Variants in SVIL observed in about 807,000 individuals in gnomAD.
The protein encoded by SVIL is archvillin.
Under a neutral mutation model 240.4 loss-of-function variants are expected in SVIL, and 101 were observed. The observed-to-expected ratio is 0.42, with a 90% CI of 0.36 to 0.50. The LOEUF is 0.50. SVIL is among the 20% of genes least tolerant of loss of function. SVIL has a pLI of 0.01. For missense variants in SVIL, 2,512 were observed against 2,818.7 expected, an observed-to-expected ratio of 0.89 and a Z score of 2.46; for synonymous variants, 999 against 1,100.0, an observed-to-expected ratio of 0.91 and a Z score of 1.82.
chr10:29,552,531 C>G (rs1440463582), intron 5 of SVIL, among the ~76,000 whole-genome samples: 2 of 150,028 alleles, frequency 1.3e-5, no homozygotes, highest in South Asian at 4.3e-4. Flanking sequence ...CCACTGCCCT[C>G]CAGCCTGGGC....
At chr10:29,681,977 C>G (rs1960691894) in intron 2 of SVIL, among the ~76,000 whole-genome samples, 1 of 152,156 alleles carries the variant, frequency 6.6e-6, no homozygotes, top group African/African-American at 2.4e-5. Flanking sequence ...GAAGGGAAGG[C>G]TCTGTTGTGA....
At chr10:29,582,785 C>T (rs1277105651) in intron 1 of SVIL, among the ~76,000 whole-genome samples, 1 of 150,454 alleles carries the variant, frequency 6.6e-6, no homozygotes, top group African/African-American at 2.5e-5. Context: ...CCTAGGTGTT[C>T]ACTGTATGGG....
In SVIL at chr10:29,735,609, G is replaced by T. The variant is rs1339852167; in HGVS notation, c.-400+142C>A. On this transcript the variant is annotated intron_variant, in intron 1 of 35. Coordinates refer to the SVIL transcript ENST00000375400. The surrounding 1 kb of genome is among the most constrained non-coding windows in gnomAD (Gnocchi z 4.1). Reference sequence around the variant, plus strand: ...CGGGAGGCGCCCCCGTTCCCGCTTCGGTCCCCGGCAGGGCCTCCCGCAGCC... The same window carrying T: ...CGGGAGGCGCCCCCGTTCCCGCTTCTGTCCCCGGCAGGGCCTCCCGCAGCC... 2 of 151,382 alleles carry T rather than the reference G, an allele frequency of 1.3e-5. No individual in the cohort carries two copies. The highest frequency in any genetic ancestry group is 4.8e-5 in the African/African-American group (2 of 41,304). 9.4% of individuals were successfully genotyped at this position (151,382 alleles called of 1,614,324 possible). A position where few individuals can be genotyped will look rare whatever the true frequency, so the allele number is the denominator to read the frequency against.
At chr10:29,526,730 T>C (rs1205891511) in intron 13 of SVIL, among the ~76,000 whole-genome samples, 1 of 152,236 alleles carries the variant, frequency 6.6e-6, no homozygotes, top group Non-Finnish European at 1.5e-5. Flanking sequence ...GTTAGTGTGA[T>C]CCTAGTTCTA....
chr10:29,467,993 G>T, intron 32 of SVIL, 118 bp from the exon 33 acceptor site: 1 of 1,152,868 alleles, frequency 8.7e-7, no homozygotes. Context: ...TAATTCACAT[G>T]TCATAAAATT....
At chr10:29,502,958 G>A (rs961292191) in intron 17 of SVIL, among the ~76,000 whole-genome samples, 3 of 152,300 alleles carry the variant, frequency 2.0e-5, no homozygotes, top group Admixed American at 2.0e-4. Flanking sequence ...AAGGATTAGG[G>A]CGGATTTAAG....
rs549302420 is a variant in SVIL at position 29,457,682 on chromosome 10, C to G, written c.*565G>C. ...AAGCAGTACTCAGAACAAGTCATAC[C>G]TAATGCTGCAGGAAACATTTCCAAA... On this transcript the variant is annotated 3_prime_UTR_variant, in exon 38 of 38. Transcript: ENST00000355867. 6.6e-6 allele frequency: 1 copy of G among 152,560 alleles called. No individual in the cohort carries two copies. Among genetic ancestry groups the G allele is most frequent in the East Asian group, 1.9e-4 (1 of 5,190 alleles). The allele number at this position is 152,560 out of a possible 1,614,324, so 9.5% of individuals were successfully genotyped here. A position where few individuals can be genotyped will look rare whatever the true frequency, so the allele number is the denominator to read the frequency against.
chr10:29,723,974 GA>G (rs1293289395), intron 1 of SVIL, among the ~76,000 whole-genome samples: 1 of 152,156 alleles, frequency 6.6e-6, no homozygotes, highest in Non-Finnish European at 1.5e-5. Flanking sequence ...AGCTGAAATG[GA>G]AAATAATGGA....
chr10:29,668,463 G>A (rs1338315669), intron 2 of SVIL, among the ~76,000 whole-genome samples: 4 of 152,074 alleles, frequency 2.6e-5, no homozygotes, highest in Admixed American at 2.6e-4. Flanking sequence ...CAGGCAAGAA[G>A]TAAAATCTAA....
intron 16 of SVIL, among the ~76,000 whole-genome samples, chr10:29,518,159 G>T (rs1204451869): frequency 6.6e-6 from 1 of 152,176 alleles, no homozygotes; most frequent in Non-Finnish European, 1.5e-5. Context: ...AGGCCTAGAC[G>T]GGTGGATCAC....
chr10:29,579,180 G>C (rs902228118), intron 1 of SVIL, among the ~76,000 whole-genome samples: 5 of 152,144 alleles, frequency 3.3e-5, no homozygotes, highest in African/African-American at 1.2e-4. Flanking sequence ...GCTCACGCCT[G>C]TAATCCCAGC....
intron 1 of SVIL, among the ~76,000 whole-genome samples, chr10:29,619,149 T>A (rs1219487630): frequency 6.6e-6 from 1 of 152,156 alleles, no homozygotes; most frequent in Non-Finnish European, 1.5e-5. Context: ...CTGACAGAAG[T>A]CATTATGCGC....
At chr10:29,495,510 G>A (rs1434049139) in intron 18 of SVIL, among the ~76,000 whole-genome samples, 1 of 152,218 alleles carries the variant, frequency 6.6e-6, no homozygotes, top group East Asian at 1.9e-4. Flanking sequence ...GAGATGGCAG[G>A]GGCAGCTGAG....
intron 2 of SVIL, among the ~76,000 whole-genome samples, chr10:29,664,543 T>C (rs2133044144): frequency 6.6e-6 from 1 of 152,290 alleles, no homozygotes; most frequent in South Asian, 2.1e-4. Flanking sequence ...CCATCCAGGG[T>C]TGGTTTAGCC....
chr10:29,480,799 A>T lies in SVIL; in HGVS notation c.5115T>A (p.Thr1705=), dbSNP rs1366636025. ...ELAQHKEDPR[T]DVKAYDVTRM... is the part of the protein sequence containing the mutation. ...GTGTCACATCGTATGCCTTGACATC[A>T]GTCCTGGGGTCTTCCTACAGGGGAA... Residue 1705 remains threonine (T), a synonymous_variant, in exon 29 of 38, where the codon ACT becomes ACA. Transcript: ENST00000355867. 1 of 1,607,734 alleles carries T rather than the reference A, an allele frequency of 6.2e-7. No individual in the cohort carries two copies. The highest frequency in any genetic ancestry group is 1.3e-5 in the African/African-American group (1 of 74,856).
chr10:29,470,558 C>G lies in SVIL; in HGVS notation c.5636-75G>C, dbSNP rs1945452108. On this transcript the variant is annotated intron_variant, in intron 31 of 37. Coordinates refer to ENST00000355867, the MANE Select transcript of SVIL (RefSeq NM_021738.3). ...AGCAAACGCGGCCCTTCCTAGTGTC[C>G]GCTGTGTCGTCCAAGGCAGCCACCT... The G allele has an allele frequency of 2.6e-6, 4 of 1,554,468 alleles. No individual in the cohort carries two copies. The Admixed American group carries it at 5.3e-5, about 21-fold the overall frequency.
chr10:29,667,284 T>C (rs369711411), intron 2 of SVIL, among the ~76,000 whole-genome samples: 8 of 152,034 alleles, frequency 5.3e-5, no homozygotes, highest in Admixed American at 2.6e-4. Context: ...AACAATACAA[T>C]AGAACACAAC....
intron 2 of SVIL, among the ~76,000 whole-genome samples, chr10:29,678,431 G>A (rs1036998038): frequency 3.3e-5 from 5 of 152,108 alleles, no homozygotes; most frequent in Non-Finnish European, 5.9e-5. Flanking sequence ...CCGACAGGAG[G>A]CGGAACTCAG....
chr10:29,531,909 C>T (rs1442160229), intron 9 of SVIL, 93 bp downstream of exon 9: 22 of 1,393,828 alleles, frequency 1.6e-5, no homozygotes, highest in Non-Finnish European at 2.0e-5. Flanking sequence ...TCGCCAACAT[C>T]CTATATAAAT....
Sources: gnomAD v4.1 joint callset for allele counts (sites outside exome capture counted in the v4.1 genomes callset) on GRCh38, gnomAD v4.1.1 for gene constraint, Gnocchi (gnomAD v3.1) non-coding constraint, MANE v1.5 for transcripts, NCBI Gene and HGNC (gene_info 2026-07-23, HGNC 2026-07-21) for gene names.